Variants in PDS5B observed in about 807,000 individuals in gnomAD.
The protein encoded by PDS5B is PDS5 cohesin associated factor B, also known as sister chromatid cohesion protein PDS5 homolog B.
In PDS5B, 51 loss-of-function variants were observed where a neutral mutation model predicts 184.1. The ratio of observed to expected loss-of-function variants is 0.28; its 90% confidence interval spans 0.22 to 0.35. The LOEUF (loss-of-function observed/expected upper bound fraction) is 0.35. Ranked by LOEUF, PDS5B falls within the 10% of genes least tolerant of loss-of-function variation. The pLI, the probability that PDS5B is intolerant of heterozygous loss-of-function variation, is 1.00. For synonymous variants in PDS5B, 566 were observed against 569.2 expected (o/e 0.99, Z 0.08); for missense variants, 1,180 against 1,723.3 (o/e 0.68, Z 5.58).
Position 32,667,053 on chromosome 13 carries a change from C to T in PDS5B, c.625-711C>T, listed in dbSNP as rs3895670. On this transcript the variant is annotated intron_variant, in intron 6 of 34. Transcript: ENST00000315596. ...AAATAATAAAATACAAGCATTAAGGCAGGTAAATCTAAAAATATGCTGAGT... is the reference window on the plus strand; with the variant it reads ...AAATAATAAAATACAAGCATTAAGGTAGGTAAATCTAAAAATATGCTGAGT... 2.5e-3 allele frequency among the ~76,000 whole-genome samples: 378 copies of T among 152,044 alleles called. 1 individual carries two copies. Among genetic ancestry groups the T allele is most frequent in the African/African-American group, 8.6e-3 (355 of 41,456 alleles).
At chr13:32,771,643 A>ACTG (rs772667306) in intron 33 of PDS5B, among the ~76,000 whole-genome samples, 8 of 152,230 alleles carry the variant, frequency 5.3e-5, no homozygotes, top group East Asian at 3.9e-4. Context: ...GTGTCTAGCC[A>ACTG]GTACTTCATG....
chr13:32,602,222 C>T (rs1566237720), intron 1 of PDS5B, among the ~76,000 whole-genome samples: 2 of 152,028 alleles, frequency 1.3e-5, no homozygotes, highest in Admixed American at 1.3e-4. Flanking sequence ...AGGTATATCT[C>T]CTAATGCTAT....
At position 32,694,156 on chromosome 13, in the gene PDS5B, G is replaced by A. The variant is rs1951632964; in HGVS notation, c.1470-67G>A. The A allele has an allele frequency of 3.8e-6, 4 of 1,041,810 alleles. No individual in the cohort carries two copies. The Admixed American group carries it at 7.9e-5, about 21-fold the overall frequency. 64.5% of individuals were successfully genotyped at this position (1,041,810 alleles called of 1,614,324 possible). Reference sequence around the variant, plus strand: ...TATAATTTGAACCTTAAATTATATAGTAGTAATATTCTAGAAAGATTTTTA... The same window carrying A: ...TATAATTTGAACCTTAAATTATATAATAGTAATATTCTAGAAAGATTTTTA... On this transcript the variant is annotated intron_variant, in intron 13 of 34. Transcript: ENST00000315596.
chr13:32,746,668 A>G (rs1174456347), intron 24 of PDS5B, among the ~76,000 whole-genome samples: 2 of 152,216 alleles, frequency 1.3e-5, no homozygotes, highest in Non-Finnish European at 2.9e-5. Flanking sequence ...ATGAAATAAC[A>G]AAAACATCAA....
At chr13:32,614,811 C>T (rs1033764386) in intron 1 of PDS5B, among the ~76,000 whole-genome samples, 1 of 152,156 alleles carries the variant, frequency 6.6e-6, no homozygotes, top group Non-Finnish European at 1.5e-5. Context: ...CAGGTTCTTT[C>T]CACTGTACCT....
At chr13:32,621,300 C>CA (rs1162646375) in intron 1 of PDS5B, among the ~76,000 whole-genome samples, 2 of 151,998 alleles carry the variant, frequency 1.3e-5, no homozygotes, top group African/African-American at 4.8e-5. Flanking sequence ...TTTGTCCCTA[C>CA]AAAAAATAAA....
chr13:32,768,981 G>C (rs1394305359), intron 31 of PDS5B, among the ~76,000 whole-genome samples: 3 of 148,156 alleles, frequency 2.0e-5, no homozygotes, highest in African/African-American at 7.5e-5. Context: ...TTAGCCAGGC[G>C]TGGTTGCAGA....
chr13:32,707,021 A>C lies in PDS5B; in HGVS notation c.1944A>C (p.Ala648=). ...EGVPTDQAIR[A]GLELLKVLSF... ...TTCCAACTGATCAAGCCATCAGAGC[A>C]GGTCTTGAACTGCTTAAGGTAAGTA... is the stretch of plus-strand genomic sequence containing the variant. The change falls in exon 18 of 35, where the codon GCA becomes GCC. Residue 648 remains alanine (A), a synonymous_variant. Transcript: ENST00000315596. 2 of 1,605,356 alleles carry C rather than the reference A, an allele frequency of 1.2e-6. No individual in the cohort carries two copies.
At chr13:32,586,947 C>T (rs1341813948) in intron 1 of PDS5B, among the ~76,000 whole-genome samples, 3 of 141,336 alleles carry the variant, frequency 2.1e-5, no homozygotes, top group African/African-American at 7.6e-5. Context: ...GGTGACCTTG[C>T]GCGCGGGCGG....
chr13:32,776,313 T>A lies in PDS5B; in HGVS notation c.*1261T>A, dbSNP rs1020756786. ...GTGGGGGCAGCGTAGAAGTGGTATA[T>A]CCAAGTATATCAGCTACTGTAGTTG... On this transcript the variant is annotated 3_prime_UTR_variant, in exon 35 of 35. Transcript: ENST00000315596. 1 of 152,512 alleles carries A rather than the reference T, an allele frequency of 6.6e-6. No individual in the cohort carries two copies. The highest frequency in any genetic ancestry group is 1.5e-5 in the Non-Finnish European group (1 of 67,966). The allele number at this position is 152,512 out of a possible 1,614,324, so 9.4% of individuals were successfully genotyped here.
intron 28 of PDS5B, among the ~76,000 whole-genome samples, chr13:32,759,314 G>A (rs1317060802): frequency 6.6e-6 from 1 of 152,144 alleles, no homozygotes; most frequent in African/African-American, 2.4e-5. Context: ...GGGCTGTCAC[G>A]TTGGTGTGAG....
intron 3 of PDS5B, among the ~76,000 whole-genome samples, chr13:32,654,004 A>G (rs1191365904): frequency 6.6e-6 from 1 of 152,244 alleles, no homozygotes; most frequent in Non-Finnish European, 1.5e-5. Flanking sequence ...TGTTTCTAAC[A>G]GGACAATTTA....
At chr13:32,598,811 C>T (rs2057922840) in intron 1 of PDS5B, among the ~76,000 whole-genome samples, 1 of 145,230 alleles carries the variant, frequency 6.9e-6, no homozygotes, top group Non-Finnish European at 1.5e-5. Flanking sequence ...TGCCCTGTCA[C>T]CTAGGCAGGA....
At chr13:32,771,088 A>ATT in intron 33 of PDS5B, 1 of 180,208 alleles carries the variant, frequency 5.5e-6, no homozygotes, top group Non-Finnish European at 1.1e-5. Flanking sequence ...CCACACTACA[A>ATT]TTTTTTTTTT....
At chr13:32,603,535 C>T (rs1227159888) in intron 1 of PDS5B, among the ~76,000 whole-genome samples, 1 of 152,152 alleles carries the variant, frequency 6.6e-6, no homozygotes, top group Admixed American at 6.5e-5. Flanking sequence ...AGTGTGATGC[C>T]TCCAGCTTTG....
intron 6 of PDS5B, 86 bp from the exon 7 acceptor site, chr13:32,667,678 T>G: frequency 1.3e-6 from 1 of 757,990 alleles, no homozygotes; most frequent in Non-Finnish European, 2.1e-6. Context: ...TTTCATTCAT[T>G]TACTCAAGTA....
At chr13:32,685,258 A>G (rs1951352659) in intron 11 of PDS5B, among the ~76,000 whole-genome samples, 1 of 152,256 alleles carries the variant, frequency 6.6e-6, no homozygotes, top group Non-Finnish European at 1.5e-5. Flanking sequence ...AATTTATTTT[A>G]ACCGATAAAT....
intron 1 of PDS5B, among the ~76,000 whole-genome samples, chr13:32,615,829 A>G (rs927841090): frequency 7.9e-5 from 12 of 152,194 alleles, no homozygotes; most frequent in Admixed American, 5.2e-4. Flanking sequence ...GTCCCTGGCA[A>G]TAGGTGCTCT....
intron 1 of PDS5B, among the ~76,000 whole-genome samples, chr13:32,603,889 T>C (rs1480294286): frequency 6.6e-6 from 1 of 152,214 alleles, no homozygotes; most frequent in Non-Finnish European, 1.5e-5. Flanking sequence ...TCTTTTTGTC[T>C]GTATAGGAAT....
Sources: gnomAD v4.1 joint callset for allele counts (sites outside exome capture counted in the v4.1 genomes callset) on GRCh38, gnomAD v4.1.1 for gene constraint, MANE v1.5 for transcripts, NCBI Gene and HGNC (gene_info 2026-07-23, HGNC 2026-07-21) for gene names.